NAPG: variants seen among roughly 807,000 people sequenced by gnomAD.
The protein encoded by NAPG is gamma-soluble NSF attachment protein.
In NAPG, 25 loss-of-function variants were observed where a neutral mutation model predicts 48.4. That is an observed-to-expected ratio of 0.52 (90% CI 0.38 to 0.72). The LOEUF is 0.72. NAPG is among the 30% of genes least tolerant of loss of function. The pLI is 0.00. For synonymous variants in NAPG, 139 were observed against 127.2 expected, an observed-to-expected ratio of 1.09 and a Z score of -0.62; for missense variants, 359 against 372.5, an observed-to-expected ratio of 0.96 and a Z score of 0.30.
In NAPG at chr18:10,546,422, T is replaced by G. The variant is rs748149791; in HGVS notation, c.585+18T>G. On this transcript the variant is annotated intron_variant, in intron 9 of 11. Transcript: ENST00000322897. This position sits in a 1 kb window ranked among gnomAD's most constrained non-coding sequence, Gnocchi z 4.0. ...GTTATAAGGTATTCTTTGAAAGTGT[T>G]TGTTTTTGGTATTACATTAGATGAT... The G allele has an allele frequency of 5.0e-5, 71 of 1,421,918 alleles. No homozygotes were observed. The highest frequency in any genetic ancestry group is 6.7e-5 in the Non-Finnish European group (69 of 1,037,474). The allele number at this position is 1,421,918 out of a possible 1,614,324, so 88.1% of individuals were successfully genotyped here. A position where few individuals can be genotyped will look rare whatever the true frequency, so the allele number is the denominator to read the frequency against.
chr18:10,537,462 C>T (rs978133526), intron 5 of NAPG, among the ~76,000 whole-genome samples: 4 of 151,964 alleles, frequency 2.6e-5, no homozygotes, highest in South Asian at 2.1e-4. Flanking sequence ...ATAGTCTTCA[C>T]GTTTGGGCTG....
In NAPG at chr18:10,539,798, G is replaced by A; in HGVS notation, c.295G>A (p.Glu99Lys). The change falls in exon 6 of 12, where the codon GAG becomes AAG. Residue 99 changes from glutamate to lysine, a missense_variant. Physicochemically the swap from Glu to Lys is moderately conservative, Grantham distance 56. Coordinates refer to ENST00000322897, the MANE Select transcript of NAPG (RefSeq NM_003826.3). This position sits in a 1 kb window ranked among gnomAD's most constrained non-coding sequence, Gnocchi z 4.7. ...ACTACCAGAGGCCGTTCAGCTAATT[G>A]AGAAGGCCAGCATGATGTATCTAGA... ...QKLPEAVQLI[E>K]KASMMYLENG... The A allele has an allele frequency of 6.2e-7, 1 of 1,614,022 alleles. No individual in the cohort carries two copies. The highest frequency in any genetic ancestry group is 8.5e-7 in the Non-Finnish European group (1 of 1,179,900).
At chr18:10,535,286 TAAAA>T (rs922765749) in intron 5 of NAPG, among the ~76,000 whole-genome samples, 4 of 152,150 alleles carry the variant, frequency 2.6e-5, no homozygotes, top group African/African-American at 9.7e-5. Context: ...TTGTAGACAA[TAAAA>T]AATACCGAAA....
In NAPG at chr18:10,539,497, C is replaced by T. The variant is rs1050275256; in HGVS notation, c.259-265C>T. 1 of 370,358 alleles carries T rather than the reference C, an allele frequency of 2.7e-6. No homozygotes were observed. Among genetic ancestry groups the T allele is most frequent in the Non-Finnish European group, 5.0e-6 (1 of 198,134 alleles). The allele number at this position is 370,358 out of a possible 1,614,324, so 22.9% of individuals were successfully genotyped here. A position where few individuals can be genotyped will look rare whatever the true frequency, so the allele number is the denominator to read the frequency against. ...TGGACACAGGGAGGGGAACATCACACTCCTGGGCCTGTCGGGGGCTGGGGA... is the reference window on the plus strand; with the variant it reads ...TGGACACAGGGAGGGGAACATCACATTCCTGGGCCTGTCGGGGGCTGGGGA... On this transcript the variant is annotated intron_variant, in intron 5 of 11. Transcript: ENST00000322897. This position sits in a 1 kb window ranked among gnomAD's most constrained non-coding sequence, Gnocchi z 4.7.
chr18:10,549,401 T>C (rs552568343), intron 11 of NAPG, among the ~76,000 whole-genome samples: 1 of 152,342 alleles, frequency 6.6e-6, no homozygotes, highest in Admixed American at 6.5e-5. Context: ...GTAGGTTGCT[T>C]TTATTCATTT....
Position 10,532,796 on chromosome 18 carries a change from G to A in NAPG, c.209+1G>A, listed in dbSNP as rs367979785. On this transcript the variant is annotated splice_donor_variant, in intron 3 of 11. Transcript: ENST00000322897. LOFTEE classifies it high-confidence loss of function. ...CTGTTGCCCATGAAAATAATAGGGC[G>A]TATCTTTTTCAACTTTTAAAAAGAA... is the stretch of plus-strand genomic sequence containing the variant. The A allele has an allele frequency of 4.5e-6, 7 of 1,551,640 alleles. No individual in the cohort carries two copies. The highest frequency in any genetic ancestry group is 1.9e-5 in the Admixed American group (1 of 53,384).
chr18:10,548,447 C>A lies in NAPG; in HGVS notation c.665+69C>A. ...TCTGTGTCTACAACTAAGATTGCTGCTAGGACACATGTTCCTGGCCATGAA... is the reference window on the plus strand; with the variant it reads ...TCTGTGTCTACAACTAAGATTGCTGATAGGACACATGTTCCTGGCCATGAA... On this transcript the variant is annotated intron_variant, in intron 10 of 11. Transcript: ENST00000322897. The surrounding 1 kb of genome is among the most constrained non-coding windows in gnomAD (Gnocchi z 4.4). 8.1e-7 allele frequency: 1 copy of A among 1,227,798 alleles called. No individual in the cohort carries two copies. The highest frequency in any genetic ancestry group is 1.2e-6 in the Non-Finnish European group (1 of 835,630). The allele number at this position is 1,227,798 out of a possible 1,614,324, so 76.1% of individuals were successfully genotyped here.
At position 10,546,547 on chromosome 18, in the gene NAPG, T is replaced by G; in HGVS notation, c.585+143T>G. ...CATGGGCCTCTATTTTTGACCAAGA[T>G]AGAGTAAGCCCACTACAGCTTGTTT... On this transcript the variant is annotated intron_variant, in intron 9 of 11. Transcript: ENST00000322897. The surrounding 1 kb of genome is among the most constrained non-coding windows in gnomAD (Gnocchi z 4.0). 4.1e-6 allele frequency: 2 copies of G among 489,094 alleles called. No individual in the cohort carries two copies. The highest frequency in any genetic ancestry group is 7.3e-5 in the Admixed American group (2 of 27,496). The allele number at this position is 489,094 out of a possible 1,614,324, so 30.3% of individuals were successfully genotyped here.
rs2032106419 is a variant in NAPG, at chr18:10,539,660, C to A, written c.259-102C>A. The A allele has an allele frequency of 1.1e-6, 1 of 951,758 alleles. No homozygotes were observed. The highest frequency in any genetic ancestry group is 1.6e-5 in the African/African-American group (1 of 60,780). The allele number at this position is 951,758 out of a possible 1,614,324, so 59.0% of individuals were successfully genotyped here. A position where few individuals can be genotyped will look rare whatever the true frequency, so the allele number is the denominator to read the frequency against. On this transcript the variant is annotated intron_variant, in intron 5 of 11. Coordinates refer to ENST00000322897, the MANE Select transcript of NAPG (RefSeq NM_003826.3). The surrounding 1 kb of genome is among the most constrained non-coding windows in gnomAD (Gnocchi z 4.7). The stretch of plus-strand genomic sequence containing the variant: ...AAACCTGCACATTCTGCACATGTGT[C>A]CCAGAACTTAAAATAAAAAATAATT...
chr18:10,552,103 A>C lies in NAPG; in HGVS notation c.*1883A>C, dbSNP rs773809714. On this transcript the variant is annotated 3_prime_UTR_variant, in exon 12 of 12. Transcript: ENST00000322897. ...TTTGGCAATACTTTAAAGATACTGT[A>C]GACTATTTATGTATAGATAGATCAT... 1 of 152,234 alleles carries C rather than the reference A, an allele frequency of 6.6e-6. No homozygotes were observed. The highest frequency in any genetic ancestry group is 1.5e-5 in the Non-Finnish European group (1 of 68,036). 9.4% of individuals were successfully genotyped at this position (152,234 alleles called of 1,614,324 possible).
intron 8 of NAPG, among the ~76,000 whole-genome samples, chr18:10,541,014 T>C (rs761126095): frequency 3.9e-5 from 6 of 152,202 alleles, no homozygotes; most frequent in Non-Finnish European, 7.3e-5. Context: ...GATATCTTAA[T>C]TGAAATTTGT....
intron 1 of NAPG, among the ~76,000 whole-genome samples, chr18:10,527,224 T>G (rs904241812): frequency 7.3e-5 from 11 of 150,814 alleles, no homozygotes; most frequent in Non-Finnish European, 1.5e-4. Flanking sequence ...AAAGTCAGCA[T>G]TGTGCTCTGT....
Position 10,551,382 on chromosome 18 carries a change from A to G in NAPG, c.*1162A>G, listed in dbSNP as rs944945159. 6.6e-6 allele frequency: 1 copy of G among 152,234 alleles called. No homozygotes were observed. The highest frequency in any genetic ancestry group is 1.5e-5 in the Non-Finnish European group (1 of 68,046). The allele number at this position is 152,234 out of a possible 1,614,324, so 9.4% of individuals were successfully genotyped here. A position where few individuals can be genotyped will look rare whatever the true frequency, so the allele number is the denominator to read the frequency against. On this transcript the variant is annotated 3_prime_UTR_variant, in exon 12 of 12. Coordinates refer to ENST00000322897, the MANE Select transcript of NAPG (RefSeq NM_003826.3). ...GTCATAACTTGACATGGAAAATGCT[A>G]TATACTATGAAAACTTAGCTGAAAG...
At position 10,534,017 on chromosome 18, in the gene NAPG, C is replaced by T. The variant is rs1056494602; in HGVS notation, c.228-449C>T. On this transcript the variant is annotated intron_variant, in intron 4 of 11. Transcript: ENST00000322897. The surrounding 1 kb of genome is among the most constrained non-coding windows in gnomAD (Gnocchi z 5.0). The stretch of plus-strand genomic sequence containing the variant: ...CAAAAATTAACTGGATGTGGTGGCA[C>T]GTGCCTGTAATCTCAGCTGTTGGGG... Among the ~76,000 whole-genome samples the T allele has an allele frequency of 6.6e-6, 1 of 152,080 alleles. No individual in the cohort carries two copies. Among genetic ancestry groups the T allele is most frequent in the Non-Finnish European group, 1.5e-5 (1 of 68,014 alleles).
At chr18:10,538,594 G>GT (rs750423598) in intron 5 of NAPG, among the ~76,000 whole-genome samples, 1 of 152,128 alleles carries the variant, frequency 6.6e-6, no homozygotes, top group Non-Finnish European at 1.5e-5. Flanking sequence ...AAAGAGCAAG[G>GT]TTTTTGGTTT....
chr18:10,541,762 G>T (rs1396948277), intron 8 of NAPG, among the ~76,000 whole-genome samples: 2 of 152,216 alleles, frequency 1.3e-5, no homozygotes, highest in Non-Finnish European at 2.9e-5. Context: ...AAGTGAAGTT[G>T]CAGGAAGGGG....
intron 1 of NAPG, 88 bp downstream of exon 1, chr18:10,526,246 G>GGGGGGGTGGCA: frequency 2.0e-6 from 1 of 490,186 alleles, no homozygotes. Flanking sequence ...GGGCGGGAGG[G>GGGGGGGTGGCA]AGGGCTCAGG....
rs1358550067 is a variant in NAPG at position 10,544,611 on chromosome 18, G to C, written c.507-1715G>C. ...ACTCTGGCCTCTAACTTAAGGAAGG[G>C]CCCACCTGATTAAGTCAGGCCCACA... On this transcript the variant is annotated intron_variant, in intron 8 of 11. Coordinates refer to ENST00000322897, the MANE Select transcript of NAPG (RefSeq NM_003826.3). This position sits in a 1 kb window ranked among gnomAD's most constrained non-coding sequence, Gnocchi z 5.1. 6.6e-6 allele frequency among the ~76,000 whole-genome samples: 1 copy of C among 152,146 alleles called. No homozygotes were observed. The highest frequency in any genetic ancestry group is 1.5e-5 in the Non-Finnish European group (1 of 68,034).
Position 10,544,299 on chromosome 18 carries a change from T to A in NAPG, c.507-2027T>A, listed in dbSNP as rs958213995. The stretch of plus-strand genomic sequence containing the variant: ...CATGAGGCCAGAAGTCTGGATACAG[T>A]GTAGCTAGGTCCTAGTGTAGCTAGG... On this transcript the variant is annotated intron_variant, in intron 8 of 11. Coordinates refer to ENST00000322897, the MANE Select transcript of NAPG (RefSeq NM_003826.3). This position sits in a 1 kb window ranked among gnomAD's most constrained non-coding sequence, Gnocchi z 5.1. Among the ~76,000 whole-genome samples the A allele has an allele frequency of 6.6e-6, 1 of 152,194 alleles. No individual in the cohort carries two copies. The highest frequency in any genetic ancestry group is 2.4e-5 in the African/African-American group (1 of 41,448).
Sources: allele counts gnomAD v4.1 joint callset (sites outside exome capture counted in the v4.1 genomes callset), GRCh38; gene constraint gnomAD v4.1.1; non-coding constraint Gnocchi (gnomAD v3.1); transcripts MANE v1.5; gene names NCBI Gene and HGNC (gene_info 2026-07-23, HGNC 2026-07-21).